EBPL: variants seen among roughly 807,000 people sequenced by gnomAD.
EBPL encodes the protein emopamil-binding protein-like.
EBPL carries 20 observed loss-of-function variants against 19.0 expected under a neutral mutation model. The ratio of observed to expected loss-of-function variants is 1.05; its 90% CI spans 0.74 to 1.53. EBPL has a LOEUF of 1.53. Among genes scored for constraint, EBPL ranks in the 40% most tolerant of loss-of-function variants. EBPL has a pLI of 0.00. For missense variants in EBPL, 219 were observed against 261.1 expected (o/e 0.84, Z 1.11); for synonymous variants, 107 against 117.0 (o/e 0.91, Z 0.55).
intron 1 of EBPL, chr13:49,686,655 C>A: frequency 1.6e-6 from 2 of 1,267,918 alleles, no homozygotes; most frequent in East Asian, 5.6e-5. Flanking sequence ...CCCTTCTGTT[C>A]TCTCTAGCTC....
intron 2 of EBPL, among the ~76,000 whole-genome samples, chr13:49,665,396 C>A (rs1965211690): frequency 6.6e-6 from 1 of 152,204 alleles, no homozygotes; most frequent in Non-Finnish European, 1.5e-5. Context: ...CTCAGCCTCC[C>A]AAGTAGCTAG....
At chr13:49,688,612 A>G (rs1393721621) in intron 1 of EBPL, among the ~76,000 whole-genome samples, 1 of 150,618 alleles carries the variant, frequency 6.6e-6, no homozygotes, top group Non-Finnish European at 1.5e-5. Flanking sequence ...CCAGCTACTC[A>G]GGAGGCTGAG....
intron 2 of EBPL, among the ~76,000 whole-genome samples, chr13:49,664,939 C>G (rs752116893): frequency 1.8e-4 from 28 of 152,040 alleles, no homozygotes; most frequent in Non-Finnish European, 3.2e-4. Flanking sequence ...TCTGCAGTCT[C>G]CTGTGCCCTC....
At position 49,691,269 on chromosome 13, in the gene EBPL, C is replaced by T; in HGVS notation, c.156G>A (p.Leu52=). 2 of 1,399,826 alleles carry T rather than the reference C, an allele frequency of 1.4e-6. No individual in the cohort carries two copies. Among genetic ancestry groups the T allele is most frequent in the Non-Finnish European group, 1.9e-6 (2 of 1,073,006 alleles). 86.7% of individuals were successfully genotyped at this position (1,399,826 alleles called of 1,614,324 possible). A position where few individuals can be genotyped will look rare whatever the true frequency, so the allele number is the denominator to read the frequency against. The part of the protein sequence containing the change: ...GALIWLCYDA[L]VHFALEGPFV... ...TGGCACTTACCAGCGCGAAGTGCAC[C>T]AGCGCGTCGTAGCAGAGCCAGATGA... Residue 52 remains leucine, a synonymous_variant, in exon 1 of 4, where the codon CTG becomes CTA. Coordinates refer to ENST00000242827, the MANE Select transcript of EBPL (RefSeq NM_032565.5).
At position 49,665,715 on chromosome 13, in the gene EBPL, C is replaced by CTT. The variant is rs35993290; in HGVS notation, c.242-2522_242-2521dup. Among the ~76,000 whole-genome samples the CTT allele has an allele frequency of 9.2e-3, 1,345 of 146,978 alleles. 11 individuals carry two copies. The highest frequency in any genetic ancestry group is 0.014 in the Middle Eastern group (4 of 284). ...CCACCGTGTCCAGCCTTCAACAAGT[C>CTT]TTTTTTTTTTTTTTTAAGCATTTGG... On this transcript the variant is annotated intron_variant, in intron 2 of 3. Coordinates refer to ENST00000242827, the MANE Select transcript of EBPL (RefSeq NM_032565.5).
chr13:49,679,803 G>A (rs1480303904), intron 1 of EBPL, among the ~76,000 whole-genome samples: 2 of 152,098 alleles, frequency 1.3e-5, no homozygotes, highest in Non-Finnish European at 2.9e-5. Context: ...ATGCCTGGCC[G>A]AGATTGTATT....
In EBPL at chr13:49,661,061, C is replaced by G. The variant is rs1161199782; in HGVS notation, c.528G>C (p.Trp176Cys). ...ACAGTAGCAGTCCTGGGATCAGAAC[C>G]CACACACCGTTAAAAAAAAACAGGT... is the stretch of plus-strand genomic sequence containing the variant. ...WLYLFFFNGV[W>C]VLIPGLLLWQ... Residue 176 changes from tryptophan to cysteine, a missense_variant, in exon 4 of 4, where the codon TGG (tryptophan) becomes TGC (cysteine). Transcript: ENST00000242827. 1 of 1,613,938 alleles carries G rather than the reference C, an allele frequency of 6.2e-7. No individual in the cohort carries two copies. Among genetic ancestry groups the G allele is most frequent in the Non-Finnish European group, 8.5e-7 (1 of 1,180,032 alleles).
intron 1 of EBPL, among the ~76,000 whole-genome samples, chr13:49,679,693 C>CG (rs1176719221): frequency 6.6e-6 from 1 of 151,818 alleles, no homozygotes; most frequent in Non-Finnish European, 1.5e-5. Context: ...ATTGTAGAGA[C>CG]GGGGTCTCGT....
At chr13:49,684,678 A>G (rs953012862) in intron 1 of EBPL, among the ~76,000 whole-genome samples, 1 of 152,234 alleles carries the variant, frequency 6.6e-6, no homozygotes, top group African/African-American at 2.4e-5. Flanking sequence ...TGTCTCAAAA[A>G]ATAAAATTAA....
At chr13:49,679,332 T>C (rs933243903) in intron 1 of EBPL, among the ~76,000 whole-genome samples, 4 of 152,230 alleles carry the variant, frequency 2.6e-5, no homozygotes, top group African/African-American at 9.6e-5. Flanking sequence ...TCCAGCCATC[T>C]GGAACTAAGA....
At position 49,661,301 on chromosome 13, in the gene EBPL, A is replaced by C. The variant is rs1455692174; in HGVS notation, c.381-93T>G. ...TCTTGTCTGTAATGGCGGCATCAAC[A>C]GTCTTCGCTATGAAAACCGTCCTAA... On this transcript the variant is annotated intron_variant, in intron 3 of 3. Transcript: ENST00000242827. 3 of 1,036,588 alleles carry C rather than the reference A, an allele frequency of 2.9e-6. No individual in the cohort carries two copies. The East Asian group carries it at 7.2e-5, about 25-fold the overall frequency. 64.2% of individuals were successfully genotyped at this position (1,036,588 alleles called of 1,614,324 possible). A position where few individuals can be genotyped will look rare whatever the true frequency, so the allele number is the denominator to read the frequency against.
rs571530947 is a variant in EBPL, at chr13:49,661,840, G to A, written c.381-632C>T. The A allele has an allele frequency of 2.1e-5, 32 of 1,550,062 alleles. No individual in the cohort carries two copies. The Admixed American group carries it at 3.5e-4, about 17-fold the overall frequency. On this transcript the variant is annotated intron_variant, in intron 3 of 3. Coordinates refer to ENST00000242827, the MANE Select transcript of EBPL (RefSeq NM_032565.5). Reference sequence around the variant, plus strand: ...TAAGACTTCTTCATTACAAGATGGTGGAAAATGGAATGCAGCTGTGCCTAC... The same window carrying A: ...TAAGACTTCTTCATTACAAGATGGTAGAAAATGGAATGCAGCTGTGCCTAC...
At chr13:49,662,810 AT>A (rs1427796929) in intron 3 of EBPL, among the ~76,000 whole-genome samples, 1 of 151,992 alleles carries the variant, frequency 6.6e-6, no homozygotes, top group Non-Finnish European at 1.5e-5. Context: ...TAAATTTTTT[AT>A]TCCTTGTAGA....
At chr13:49,673,005 G>A (rs1953834810) in intron 1 of EBPL, among the ~76,000 whole-genome samples, 2 of 152,162 alleles carry the variant, frequency 1.3e-5, no homozygotes, top group African/African-American at 4.8e-5. Flanking sequence ...ATTGCAGTGA[G>A]CCGTGATTGT....
intron 1 of EBPL, among the ~76,000 whole-genome samples, chr13:49,685,615 C>A (rs1953987981): frequency 6.6e-6 from 1 of 152,168 alleles, no homozygotes; most frequent in South Asian, 2.1e-4. Flanking sequence ...TGGCTCACGC[C>A]TGTAATCTCA....
At position 49,681,797 on chromosome 13, in the gene EBPL, G is replaced by T. The variant is rs1227818479; in HGVS notation, c.171+9457C>A. ...AAGAAATAAAAAGAACACATACTGA[G>T]GCTGAGTTTATATTTGAATGTATCT... is the stretch of plus-strand genomic sequence containing the variant. On this transcript the variant is annotated intron_variant, in intron 1 of 3. Coordinates refer to ENST00000242827, the MANE Select transcript of EBPL (RefSeq NM_032565.5). Among the ~76,000 whole-genome samples, 3 of 152,146 alleles carry T rather than the reference G, an allele frequency of 2.0e-5. No homozygotes were observed. In the East Asian group the frequency reaches 5.8e-4, roughly 29 times the overall value.
At chr13:49,673,894 A>T (rs1953845431) in intron 1 of EBPL, among the ~76,000 whole-genome samples, 1 of 151,648 alleles carries the variant, frequency 6.6e-6, no homozygotes, top group South Asian at 2.1e-4. Context: ...TGCTGGAACT[A>T]TTCAATACCT....
intron 1 of EBPL, chr13:49,686,475 C>T: frequency 7.8e-7 from 1 of 1,286,874 alleles, no homozygotes. Context: ...GGTGCCTCAC[C>T]TTTTATTTTC....
At chr13:49,663,741 T>C (rs905992796) in intron 2 of EBPL, among the ~76,000 whole-genome samples, 1 of 145,126 alleles carries the variant, frequency 6.9e-6, no homozygotes, top group Non-Finnish European at 1.5e-5. Context: ...ATCGAGACCA[T>C]CCTGGCCAAC....
Sources: gnomAD v4.1 joint callset for allele counts (sites outside exome capture counted in the v4.1 genomes callset) on GRCh38, gnomAD v4.1.1 for gene constraint, MANE v1.5 for transcripts, NCBI Gene and HGNC (gene_info 2026-07-23, HGNC 2026-07-21) for gene names.